The following AATK variants were observed in gnomAD, a reference collection of about 807,000 sequenced individuals.
The protein encoded by AATK is serine/threonine-protein kinase LMTK1.
AATK carries 91 observed loss-of-function variants against 114.3 expected under a neutral mutation model. That is an observed-to-expected ratio of 0.80 (90% CI 0.67 to 0.95). The LOEUF (loss-of-function observed/expected upper bound fraction) is 0.95. Ranked by LOEUF, AATK falls within the 40% of genes least tolerant of loss-of-function variation. The pLI is 0.00. For missense variants in AATK, 2,176 were observed against 1,965.2 expected, an observed-to-expected ratio of 1.11 and a Z score of -2.03; for synonymous variants, 1,075 against 916.5, an observed-to-expected ratio of 1.17 and a Z score of -3.12.
Position 81,134,513 on chromosome 17 carries a change from C to A in AATK, c.56-12G>T. ...GAGCGGGGCGCCGTCTGCGGGAGAGCAGTGTGGTGAGAGTGGCCATGGCTG... is the reference window on the plus strand; with the variant it reads ...GAGCGGGGCGCCGTCTGCGGGAGAGAAGTGTGGTGAGAGTGGCCATGGCTG... On this transcript the variant is annotated splice_polypyrimidine_tract_variant and intron_variant, in intron 1 of 13. Transcript: ENST00000326724. 6.2e-7 allele frequency: 1 copy of A among 1,608,764 alleles called. No homozygotes were observed.
intron 1 of AATK, among the ~76,000 whole-genome samples, chr17:81,146,724 AAAT>A: frequency 6.6e-6 from 1 of 152,192 alleles, no homozygotes; most frequent in Admixed American, 6.5e-5. Flanking sequence ...GTCTCAAAAC[AAAT>A]AACAACAAAA....
At chr17:81,129,011 G>T in intron 3 of AATK, 1 of 735,626 alleles carries the variant, frequency 1.4e-6, no homozygotes, top group Non-Finnish European at 1.7e-6. Flanking sequence ...GCTTGGCACG[G>T]CCCCGCACGG....
At chr17:81,145,461 A>G (rs1040067511) in intron 1 of AATK, among the ~76,000 whole-genome samples, 6 of 151,292 alleles carry the variant, frequency 4.0e-5, no homozygotes, top group Admixed American at 3.3e-4. Context: ...GGCTGGGCAC[A>G]GTGGCTCACG....
Position 81,122,406 on chromosome 17 carries a change from GCCGTCGGGGGCGCA to G in AATK, c.1516_1529del (p.Cys506ArgfsTer36). 6.8e-7 allele frequency: 1 copy of G among 1,465,880 alleles called. No homozygotes were observed. Among genetic ancestry groups the G allele is most frequent in the Non-Finnish European group, 9.0e-7 (1 of 1,112,578 alleles). The allele number at this position is 1,465,880 out of a possible 1,614,324, so 90.8% of individuals were successfully genotyped here. On this transcript the variant is annotated frameshift_variant, in exon 11 of 14. Transcript: ENST00000326724. LOFTEE classifies it high-confidence loss of function. ...GCACCGGAACCACGCCCGGGGGCGC[GCCGTCGGGGGCGCA>G]CAGCTCCTGCAGGCGTGCGGTGCGG...
rs761945776 is a variant in AATK, at chr17:81,121,973, G to A, written c.1963C>T (p.Pro655Ser). 164 of 1,600,182 alleles carry A rather than the reference G, an allele frequency of 1.0e-4. No individual in the cohort carries two copies. Among genetic ancestry groups the A allele is most frequent in the Non-Finnish European group, 1.4e-4 (160 of 1,177,478 alleles). The stretch of plus-strand genomic sequence containing the variant: ...TCATCCTCGCCAGTCAGCGGCAGCG[G>A]GGGCGCCCCTGAGCTCCCCAAAGGG... The part of the protein sequence containing the change: ...TSPLGSSGAP[P>S]LPLTGEDELE... Residue 655 changes from proline (P) to serine (S), a missense_variant, in exon 11 of 14, where the codon CCG (proline) becomes TCG (serine). Physicochemically the swap from Pro to Ser is moderately conservative, Grantham distance 74 (BLOSUM62 -1). Around this residue, in one of 4 missense-constraint regions of AATK, gnomAD observed 1,701 missense variants for 1,394.7 expected, o/e 1.22. Coordinates refer to ENST00000326724, the MANE Select transcript of AATK (RefSeq NM_001080395.3).
chr17:81,158,169 C>T (rs1185699853), intron 1 of AATK, among the ~76,000 whole-genome samples: 1 of 152,210 alleles, frequency 6.6e-6, no homozygotes, highest in Non-Finnish European at 1.5e-5. Flanking sequence ...ATAAAACAGT[C>T]TGACGCGCTA....
At position 81,124,759 on chromosome 17, in the gene AATK, G is replaced by T; in HGVS notation, c.930C>A (p.Leu310=). 1 of 1,612,900 alleles carries T rather than the reference G, an allele frequency of 6.2e-7. No individual in the cohort carries two copies. Among genetic ancestry groups the T allele is most frequent in the East Asian group, 2.2e-5 (1 of 44,878 alleles). ...ELVDEVHSNL[L]VVDQTKSGNV... ...TCCCGCTCTTGGTCTGGTCCACGAC[G>T]AGCAGGTTGCTATGCACCTCGTCCA... Residue 310 remains leucine (L), a synonymous_variant, in exon 9 of 14, where the codon CTC becomes CTA. Coordinates refer to ENST00000326724, the MANE Select transcript of AATK (RefSeq NM_001080395.3).
At chr17:81,137,771 T>G (rs115419590) in intron 1 of AATK, among the ~76,000 whole-genome samples, 1,680 of 151,810 alleles carry the variant, frequency 0.011, 39 homozygotes, top group African/African-American at 0.039. Context: ...ACCATACGTG[T>G]GACCATGTGC....
Position 81,122,196 on chromosome 17 carries a change from G to A in AATK, c.1740C>T (p.His580=), listed in dbSNP as rs763163937. The A allele has an allele frequency of 3.7e-5, 56 of 1,505,816 alleles. No individual in the cohort carries two copies. Among genetic ancestry groups the A allele is most frequent in the Non-Finnish European group, 4.4e-5 (50 of 1,128,934 alleles). The allele number at this position is 1,505,816 out of a possible 1,614,324, so 93.3% of individuals were successfully genotyped here. ...CCCAGGGGACGTCGACGGGTGGCCC[G>A]TGGCCCAGCAGCGGCTCCATGGCCA... ...ASLAMEPLLG[H]GPPVDVPWGR... is the part of the protein sequence containing the mutation. The change falls in exon 11 of 14, where the codon CAC becomes CAT. Residue 580 remains histidine (H), a synonymous_variant. Coordinates refer to ENST00000326724, the MANE Select transcript of AATK (RefSeq NM_001080395.3).
intron 1 of AATK, among the ~76,000 whole-genome samples, chr17:81,153,312 A>G (rs1234130660): frequency 6.6e-6 from 1 of 152,224 alleles, no homozygotes; most frequent in Non-Finnish European, 1.5e-5. Context: ...GGATTTCAAT[A>G]GAGTCCCCAA....
At chr17:81,135,395 G>T (rs936969617) in intron 1 of AATK, among the ~76,000 whole-genome samples, 2 of 152,086 alleles carry the variant, frequency 1.3e-5, no homozygotes, top group Non-Finnish European at 2.9e-5. Context: ...CCGTCCCACC[G>T]CACCCAGCTC....
chr17:81,126,916 G>T lies in AATK; in HGVS notation c.622-356C>A. 2.0e-6 allele frequency: 2 copies of T among 1,016,948 alleles called. No individual in the cohort carries two copies. The highest frequency in any genetic ancestry group is 2.4e-6 in the Non-Finnish European group (2 of 818,730). 63.0% of individuals were successfully genotyped at this position (1,016,948 alleles called of 1,614,324 possible). ...GCCGGCAGCCCCTGACCTGCCGAAA[G>T]CCCAGCCCCGGGACGGTCAACGTCA... On this transcript the variant is annotated intron_variant, in intron 6 of 13. Transcript: ENST00000326724. The surrounding 1 kb of genome is among the most constrained non-coding windows in gnomAD (Gnocchi z 5.1).
chr17:81,133,726 G>A (rs1422288703), intron 2 of AATK, among the ~76,000 whole-genome samples: 3 of 152,180 alleles, frequency 2.0e-5, no homozygotes, highest in Non-Finnish European at 4.4e-5. Context: ...GCAGGGGGAG[G>A]AGCAGTGCTT....
chr17:81,136,786 C>T (rs1598939038), intron 1 of AATK, among the ~76,000 whole-genome samples: 1 of 152,178 alleles, frequency 6.6e-6, no homozygotes, highest in African/African-American at 2.4e-5. Flanking sequence ...ACTGTCCACA[C>T]AAGCCAGCCA....
At chr17:81,118,768 C>T (rs555913917) in intron 13 of AATK, among the ~76,000 whole-genome samples, 1 of 152,348 alleles carries the variant, frequency 6.6e-6, no homozygotes, top group African/African-American at 2.4e-5. Context: ...CACCCTGCAC[C>T]AGGGGTGAGG....
chr17:81,153,988 T>G (rs1298960796), intron 1 of AATK, among the ~76,000 whole-genome samples: 2 of 152,070 alleles, frequency 1.3e-5, no homozygotes, highest in African/African-American at 2.4e-5. Flanking sequence ...GGAGAATTGC[T>G]TGAACCTGGG....
chr17:81,128,862 G>A, intron 3 of AATK: 1 of 1,179,840 alleles, frequency 8.5e-7, no homozygotes, highest in Non-Finnish European at 1.1e-6. Context: ...CCCGTCACAT[G>A]GGCTGCACCA....
At position 81,134,449 on chromosome 17, in the gene AATK, A is replaced by C; in HGVS notation, c.108T>G (p.Ala36=). Residue 36 remains alanine, a synonymous_variant, in exon 2 of 14, where the codon GCT becomes GCG. Transcript: ENST00000326724. ...LSWPSSLAVV[A]VSFSGLFAVI... is the part of the protein sequence containing the mutation. ...CGGCGAAGAGCCCGGAGAAAGACAC[A>C]GCCACCACGGCGAGGGAGGATGGCC... 2 of 1,613,206 alleles carry C rather than the reference A, an allele frequency of 1.2e-6. No homozygotes were observed. The highest frequency in any genetic ancestry group is 1.7e-6 in the Non-Finnish European group (2 of 1,179,782).
chr17:81,155,901 T>C (rs1482422178), intron 1 of AATK, among the ~76,000 whole-genome samples: 2 of 150,894 alleles, frequency 1.3e-5, no homozygotes, highest in African/African-American at 2.4e-5. Context: ...AAGCTGGCCT[T>C]GAACTCCTGG....
Sources: allele counts gnomAD v4.1 joint callset (sites outside exome capture counted in the v4.1 genomes callset), GRCh38; gene constraint gnomAD v4.1.1; regional missense constraint gnomAD v4.1.1; non-coding constraint Gnocchi (gnomAD v3.1); transcripts MANE v1.5; gene names NCBI Gene and HGNC (gene_info 2026-07-23, HGNC 2026-07-21).